The following ROBO2 variants were observed in gnomAD, a reference collection of about 807,000 sequenced individuals.
ROBO2 encodes the protein roundabout homolog 2.
In ROBO2, 53 loss-of-function variants were observed where a neutral mutation model predicts 160.8. That is an observed-to-expected ratio of 0.33 (90% CI 0.26 to 0.41). ROBO2 has a LOEUF of 0.41. ROBO2 is among the 10% of genes least tolerant of loss of function. ROBO2 has a pLI of 1.00. For synonymous variants in ROBO2, 664 were observed against 611.7 expected (o/e 1.09, Z -1.26); for missense variants, 1,577 against 1,722.4 (o/e 0.92, Z 1.49).
intron 2 of ROBO2, among the ~76,000 whole-genome samples, chr3:76,536,890 T>G (rs758608513): frequency 2.0e-5 from 3 of 152,118 alleles, no homozygotes; most frequent in Non-Finnish European, 4.4e-5. Flanking sequence ...CAAAGGTACA[T>G]GAATCCTTAC....
At chr3:76,668,815 A>G (rs971200519) in intron 2 of ROBO2, among the ~76,000 whole-genome samples, 1 of 152,100 alleles carries the variant, frequency 6.6e-6, no homozygotes, top group Non-Finnish European at 1.5e-5. Flanking sequence ...TTGGTCATCT[A>G]TAGTTTATTT....
Position 77,013,656 on chromosome 3 carries a change from T to TAA in ROBO2, c.110-84350_110-84349dup, listed in dbSNP as rs151039356. 9.2e-5 allele frequency among the ~76,000 whole-genome samples: 14 copies of TAA among 151,446 alleles called. No individual in the cohort carries two copies. In the South Asian group the frequency reaches 2.3e-3, roughly 25 times the overall value. ...CTATATCCCCAGTAAGAATTGCCTTTAAAAAAAAATCCTAAGCTTATAACA... is the reference window on the plus strand; with the variant it reads ...CTATATCCCCAGTAAGAATTGCCTTTAAAAAAAAAAATCCTAAGCTTATAACA... On this transcript the variant is annotated intron_variant, in intron 2 of 26. Coordinates refer to the ROBO2 transcript ENST00000487694.
rs1255126698 is a variant in ROBO2 at position 76,264,948 on chromosome 3, G to GT, written c.109+327353dup. Among the ~76,000 whole-genome samples the GT allele has an allele frequency of 2.6e-5, 4 of 152,064 alleles. No homozygotes were observed. In the South Asian group the frequency reaches 6.2e-4, roughly 24 times the overall value. ...CTCTATATACTTTCCTCCCCATGCA[G>GT]TTTTTTTCCATAAACTTCATTACTC... On this transcript the variant is annotated intron_variant, in intron 2 of 26. Transcript: ENST00000487694.
intron 2 of ROBO2, among the ~76,000 whole-genome samples, chr3:75,985,434 T>TAAGACAATTG (rs2065389225): frequency 6.6e-6 from 1 of 151,568 alleles, no homozygotes. Context: ...TAAGACAGTG[T>TAAGACAATTG]TAAATATTTG....
intron 2 of ROBO2, among the ~76,000 whole-genome samples, chr3:76,816,483 T>G (rs563000563): frequency 6.6e-6 from 1 of 152,176 alleles, no homozygotes; most frequent in South Asian, 2.1e-4. Context: ...ATAATTGCTT[T>G]GCTATTGTTT....
intron 2 of ROBO2, among the ~76,000 whole-genome samples, chr3:76,513,091 G>C (rs1270676213): frequency 2.6e-5 from 4 of 152,292 alleles, no homozygotes; most frequent in African/African-American, 9.6e-5. Flanking sequence ...TACTACCTTA[G>C]AAAGTTGATC....
At chr3:76,779,581 T>C (rs534041523) in intron 2 of ROBO2, among the ~76,000 whole-genome samples, 38 of 151,114 alleles carry the variant, frequency 2.5e-4, no homozygotes, top group Admixed American at 5.3e-4. Context: ...AGGTTCTACA[T>C]ATAAGTGAAA....
At chr3:76,947,729 C>A (rs2078658159) in intron 2 of ROBO2, among the ~76,000 whole-genome samples, 1 of 151,866 alleles carries the variant, frequency 6.6e-6, no homozygotes, top group East Asian at 1.9e-4. Flanking sequence ...TCTTAGTTAA[C>A]AATTTCAAAT....
chr3:77,118,331 C>G (rs1579128357), intron 2 of ROBO2, among the ~76,000 whole-genome samples: 1 of 152,014 alleles, frequency 6.6e-6, no homozygotes, highest in East Asian at 1.9e-4. Flanking sequence ...AAAAAAGACA[C>G]AATTTAAAAA....
intron 2 of ROBO2, among the ~76,000 whole-genome samples, chr3:77,341,524 G>A (rs2067058762): frequency 6.6e-6 from 1 of 152,128 alleles, no homozygotes; most frequent in Admixed American, 6.6e-5. Flanking sequence ...GAGTCCCATA[G>A]TTGATGGGAA....
In ROBO2 at chr3:77,174,649, C is replaced by G. The variant is rs573845447; in HGVS notation, c.388+76309C>G. Among the ~76,000 whole-genome samples, 5 of 152,092 alleles carry G rather than the reference C, an allele frequency of 3.3e-5. No individual in the cohort carries two copies. The South Asian group carries it at 1.0e-3, about 32-fold the overall frequency. Reference sequence around the variant, plus strand: ...TCATTTATCATTTCCTATTTCTGTTCTGATACTCATGTCTGTGACTAACAA... The same window carrying G: ...TCATTTATCATTTCCTATTTCTGTTGTGATACTCATGTCTGTGACTAACAA... On this transcript the variant is annotated intron_variant, in intron 2 of 25. Transcript: ENST00000461745.
At chr3:77,256,982 C>A in intron 2 of ROBO2, among the ~76,000 whole-genome samples, 1 of 152,142 alleles carries the variant, frequency 6.6e-6, no homozygotes, top group East Asian at 1.9e-4. Context: ...GGACACCTGG[C>A]AGTACACCCC....
chr3:76,146,242 A>G (rs2071882830), intron 2 of ROBO2, among the ~76,000 whole-genome samples: 1 of 151,974 alleles, frequency 6.6e-6, no homozygotes, highest in African/African-American at 2.4e-5. Flanking sequence ...TTTATTTTAA[A>G]TTCTTTATCA....
chr3:75,977,015 C>A (rs1401304056), intron 2 of ROBO2, among the ~76,000 whole-genome samples: 1 of 151,560 alleles, frequency 6.6e-6, no homozygotes, highest in African/African-American at 2.4e-5. Context: ...TCTCATTTAT[C>A]CCTCCCTTCT....
At chr3:76,976,464 A>T (rs569032954) in intron 2 of ROBO2, among the ~76,000 whole-genome samples, 1 of 152,302 alleles carries the variant, frequency 6.6e-6, no homozygotes, top group South Asian at 2.1e-4. Flanking sequence ...CACCGCAATG[A>T]CCAGCATTTT....
At chr3:76,838,851 A>G (rs2067961496) in intron 2 of ROBO2, among the ~76,000 whole-genome samples, 1 of 152,154 alleles carries the variant, frequency 6.6e-6, no homozygotes, top group Non-Finnish European at 1.5e-5. Flanking sequence ...GTGGATAAAC[A>G]TGGTACCTTC....
chr3:77,150,001 A>G (rs1478777726), intron 2 of ROBO2, among the ~76,000 whole-genome samples: 1 of 152,214 alleles, frequency 6.6e-6, no homozygotes, highest in Non-Finnish European at 1.5e-5. Context: ...AAAATGTCAC[A>G]TTGGATGATT....
At chr3:76,605,482 A>C (rs1030017498) in intron 2 of ROBO2, among the ~76,000 whole-genome samples, 1 of 152,178 alleles carries the variant, frequency 6.6e-6, no homozygotes, top group Non-Finnish European at 1.5e-5. Context: ...AAAACTAACA[A>C]TTGTTCATGT....
intron 24 of ROBO2, among the ~76,000 whole-genome samples, chr3:77,642,175 G>A (rs2153723233): frequency 6.6e-6 from 1 of 152,266 alleles, no homozygotes; most frequent in South Asian, 2.1e-4. Context: ...ACATACATGG[G>A]TAAAGGCAGT....
Sources: gnomAD v4.1 joint callset for allele counts (sites outside exome capture counted in the v4.1 genomes callset) on GRCh38, gnomAD v4.1.1 for gene constraint, MANE v1.5 for transcripts, NCBI Gene and HGNC (gene_info 2026-07-23, HGNC 2026-07-21) for gene names.